Variants in CASP4 observed in about 807,000 individuals in gnomAD.
CASP4 encodes the protein caspase-4.
A neutral mutation model predicts 41.3 loss-of-function variants in CASP4; 29 were observed. The observed-to-expected ratio is 0.70, with a 90% CI of 0.52 to 0.96. The LOEUF (loss-of-function observed/expected upper bound fraction) is 0.96, where lower values mean the gene tolerates loss of function less well. CASP4 is among the 40% of genes least tolerant of loss of function. The pLI is 0.00. For missense variants in CASP4, 447 were observed against 460.6 expected (o/e 0.97, Z 0.27); for synonymous variants, 185 against 158.4 (o/e 1.17, Z -1.26).
At chr11:104,946,361 G>T (rs551211402) in intron 7 of CASP4, among the ~76,000 whole-genome samples, 14 of 152,262 alleles carry the variant, frequency 9.2e-5, no homozygotes, top group Middle Eastern at 6.8e-3. Flanking sequence ...TGCCAGGTTT[G>T]TTGAATTGCT....
intron 8 of CASP4, chr11:104,943,255 G>T: frequency 3.9e-6 from 1 of 253,318 alleles, no homozygotes; most frequent in South Asian, 4.5e-5. Context: ...ACGCGATCTG[G>T]CTTCTCACTG....
rs1039636249 is a variant in CASP4, at chr11:104,955,070, T to C, written c.8-69A>G. On this transcript the variant is annotated intron_variant, in intron 1 of 8. Transcript: ENST00000444739. ...AAGAGTTTCACCCTCACTTTAGATA[T>C]AGTTCTATAATGTGAAATACTTCTG... is the stretch of plus-strand genomic sequence containing the variant. 10 of 1,453,906 alleles carry C rather than the reference T, an allele frequency of 6.9e-6. No homozygotes were observed. The African/African-American group carries it at 7.1e-5, about 10-fold the overall frequency. 90.1% of individuals were successfully genotyped at this position (1,453,906 alleles called of 1,614,324 possible). A position where few individuals can be genotyped will look rare whatever the true frequency, so the allele number is the denominator to read the frequency against.
chr11:104,963,073 G>A (rs1445570842), intron 1 of CASP4, among the ~76,000 whole-genome samples: 5 of 152,212 alleles, frequency 3.3e-5, no homozygotes, highest in Non-Finnish European at 7.4e-5. Context: ...CATGGCTAAA[G>A]TTGGGTAATA....
At position 104,960,018 on chromosome 11, in the gene CASP4, T is replaced by C. The variant is rs1860823088; in HGVS notation, c.8-5017A>G. On this transcript the variant is annotated intron_variant, in intron 1 of 8. Coordinates refer to ENST00000444739, the MANE Select transcript of CASP4 (RefSeq NM_001225.4). The stretch of plus-strand genomic sequence containing the variant: ...GATTTGACCATGAAAACTTTCAGCC[T>C]ATTCTAATCTAGGCCTTCTCATTCA... 2.0e-5 allele frequency among the ~76,000 whole-genome samples: 3 copies of C among 152,216 alleles called. No homozygotes were observed. The South Asian group carries it at 6.2e-4, about 32-fold the overall frequency.
chr11:104,968,294 G>A (rs1861019295), intron 1 of CASP4, among the ~76,000 whole-genome samples: 1 of 152,180 alleles, frequency 6.6e-6, no homozygotes. Context: ...GAAGCTGAAA[G>A]AAAGGAATTA....
At chr11:104,945,274 A>ATG in intron 7 of CASP4, among the ~76,000 whole-genome samples, 1 of 140,370 alleles carries the variant, frequency 7.1e-6, no homozygotes, top group East Asian at 2.1e-4. Flanking sequence ...TTTTTTTAAG[A>ATG]TGGAGTCTTG....
chr11:104,951,635 TC>T (rs1860615133), intron 3 of CASP4: 1 of 494,240 alleles, frequency 2.0e-6, no homozygotes, highest in Non-Finnish European at 3.7e-6. Flanking sequence ...TGCCATAAAA[TC>T]CAAATAATTA....
rs1801004 is a variant in CASP4 at position 104,943,198 on chromosome 11, G to A, written c.*6-225C>T. On this transcript the variant is annotated intron_variant, in intron 8 of 8. Coordinates refer to ENST00000444739, the MANE Select transcript of CASP4 (RefSeq NM_001225.4). ...AAGCACTAGAAAGGCTTCCTGTCTC[G>A]CTCAGATAATAATTTTTAAAGGTTT... 5.7e-3 allele frequency: 1,796 copies of A among 312,524 alleles called. 12 individuals carry two copies. Among genetic ancestry groups the A allele is most frequent in the Non-Finnish European group, 9.3e-3 (1,486 of 159,328 alleles). 19.4% of individuals were successfully genotyped at this position (312,524 alleles called of 1,614,324 possible). A position where few individuals can be genotyped will look rare whatever the true frequency, so the allele number is the denominator to read the frequency against.
intron 6 of CASP4, chr11:104,947,902 G>A (rs1235071864): frequency 1.3e-5 from 2 of 152,164 alleles, no homozygotes; most frequent in Admixed American, 6.6e-5. Flanking sequence ...ATAGATAGTG[G>A]TGATGATTTC....
At chr11:104,948,089 A>G (rs1394994297) in intron 6 of CASP4, 1 of 152,362 alleles carries the variant, frequency 6.6e-6, no homozygotes, top group African/African-American at 2.4e-5. Context: ...AATACTAACC[A>G]GTGTTCCCTG....
intron 4 of CASP4, 114 bp downstream of exon 4, chr11:104,950,797 TACACACACACACAC>T: frequency 2.2e-6 from 1 of 463,860 alleles, no homozygotes. Flanking sequence ...TTATTTTGTA[TACACACACACACAC>T]ACACACACAC....
chr11:104,961,992 AAAAAAG>A (rs1167064808), intron 1 of CASP4, among the ~76,000 whole-genome samples: 1 of 152,198 alleles, frequency 6.6e-6, no homozygotes, highest in Non-Finnish European at 1.5e-5. Context: ...GGACGAACAG[AAAAAAG>A]TCTGAGCTTT....
rs941171709 is a variant in CASP4, at chr11:104,948,332, A to G, written c.925+201T>C. 69 of 403,058 alleles carry G rather than the reference A, an allele frequency of 1.7e-4. No individual in the cohort carries two copies. The East Asian group carries it at 2.6e-3, about 15-fold the overall frequency. 25.0% of individuals were successfully genotyped at this position (403,058 alleles called of 1,614,324 possible). A position where few individuals can be genotyped will look rare whatever the true frequency, so the allele number is the denominator to read the frequency against. ...AAAACAGAATTCATCATCTGTTTAAATGGTGAGTGGTGAATGGGTTTCCAT... is the reference window on the plus strand; with the variant it reads ...AAAACAGAATTCATCATCTGTTTAAGTGGTGAGTGGTGAATGGGTTTCCAT... On this transcript the variant is annotated intron_variant, in intron 6 of 8. Coordinates refer to ENST00000444739, the MANE Select transcript of CASP4 (RefSeq NM_001225.4).
At chr11:104,961,097 G>A (rs1386771580) in intron 1 of CASP4, among the ~76,000 whole-genome samples, 2 of 152,220 alleles carry the variant, frequency 1.3e-5, no homozygotes, top group Non-Finnish European at 2.9e-5. Flanking sequence ...TTGTGGTTTG[G>A]TGCCCCCGCT....
Position 104,965,527 on chromosome 11 carries a change from G to A in CASP4, c.7+2992C>T, listed in dbSNP as rs145229113. 5.5e-3 allele frequency among the ~76,000 whole-genome samples: 832 copies of A among 152,262 alleles called. 7 individuals are homozygous for A. The highest frequency in any genetic ancestry group is 0.018 in the African/African-American group (761 of 41,528). ...GCAATATTATAACTGAGGTAATTACGACAGTGAAAGAAATAAGACCTAACC... is the reference window on the plus strand; with the variant it reads ...GCAATATTATAACTGAGGTAATTACAACAGTGAAAGAAATAAGACCTAACC... On this transcript the variant is annotated intron_variant, in intron 1 of 8. Transcript: ENST00000444739.
At chr11:104,962,284 T>C (rs1860878002) in intron 1 of CASP4, among the ~76,000 whole-genome samples, 3 of 152,158 alleles carry the variant, frequency 2.0e-5, no homozygotes, top group Admixed American at 6.5e-5. Context: ...AAATCTGGTA[T>C]GCCAGCAAAA....
At chr11:104,967,900 G>C (rs1415836358) in intron 1 of CASP4, among the ~76,000 whole-genome samples, 1 of 152,120 alleles carries the variant, frequency 6.6e-6, no homozygotes, top group Non-Finnish European at 1.5e-5. Context: ...TATAAGACAG[G>C]TGACCTAAAA....
At chr11:104,957,157 C>A (rs1001581396) in intron 1 of CASP4, among the ~76,000 whole-genome samples, 3 of 151,904 alleles carry the variant, frequency 2.0e-5, no homozygotes, top group Non-Finnish European at 2.9e-5. Flanking sequence ...ACGGAAAACC[C>A]TAAAGGATCC....
intron 5 of CASP4, 67 bp from the exon 6 acceptor site, chr11:104,948,743 C>T: frequency 6.9e-7 from 1 of 1,443,376 alleles, no homozygotes; most frequent in Non-Finnish European, 9.3e-7. Flanking sequence ...AGTTGCCCAC[C>T]TTGTTCTTTT....
Sources: allele counts gnomAD v4.1 joint callset (sites outside exome capture counted in the v4.1 genomes callset), GRCh38; gene constraint gnomAD v4.1.1; transcripts MANE v1.5; gene names NCBI Gene and HGNC (gene_info 2026-07-23, HGNC 2026-07-21).